The following KALRN variants were observed in gnomAD, a reference collection of about 807,000 sequenced individuals.
KALRN encodes kalirin RhoGEF kinase, also known as kalirin.
Under a neutral mutation model 353.7 loss-of-function variants are expected in KALRN, and 70 were observed. That is an observed-to-expected ratio of 0.20 (90% confidence interval 0.16 to 0.24). The LOEUF (loss-of-function observed/expected upper bound fraction) is 0.24, where lower values mean the gene tolerates loss of function less well. Among genes scored for constraint, KALRN ranks in the 10% least tolerant of loss-of-function variants. The pLI, the probability that KALRN is intolerant of heterozygous loss-of-function variation, is 1.00. For missense variants in KALRN, 2,791 were observed against 3,756.7 expected (o/e 0.74, Z 6.72); for synonymous variants, 1,391 against 1,434.8 (o/e 0.97, Z 0.69).
At chr3:124,680,406 C>A (rs935750243) in intron 51 of KALRN, among the ~76,000 whole-genome samples, 1 of 152,226 alleles carries the variant, frequency 6.6e-6, no homozygotes, top group African/African-American at 2.4e-5. Context: ...ACAATGAGGG[C>A]AAACATGGAG....
intron 15 of KALRN, among the ~76,000 whole-genome samples, chr3:124,430,071 C>T (rs1047698195): frequency 2.0e-5 from 3 of 152,016 alleles, no homozygotes; most frequent in Non-Finnish European, 2.9e-5. Context: ...TAAAATACAG[C>T]TAATATATTG....
chr3:124,388,948 T>C (rs772111747), intron 11 of KALRN, among the ~76,000 whole-genome samples: 1 of 152,220 alleles, frequency 6.6e-6, no homozygotes, highest in Admixed American at 6.5e-5. Flanking sequence ...GGCAAAGTTC[T>C]GGCTTTTTAT....
At chr3:124,655,520 G>A in intron 38 of KALRN, 81 bp from the exon 39 acceptor site, 1 of 1,128,988 alleles carries the variant, frequency 8.9e-7, no homozygotes, top group East Asian at 2.3e-5. Context: ...AGGTGCCAAA[G>A]TAACTTTTCT....
chr3:124,554,813 T>A (rs749584763), intron 33 of KALRN, among the ~76,000 whole-genome samples: 1 of 152,204 alleles, frequency 6.6e-6, no homozygotes, highest in Non-Finnish European at 1.5e-5. Flanking sequence ...TGTGAAGTGA[T>A]CTGGCAGGAC....
intron 34 of KALRN, among the ~76,000 whole-genome samples, chr3:124,580,947 AAATAATAATAAT>A (rs145377277): frequency 6.8e-6 from 1 of 147,530 alleles, no homozygotes; most frequent in Non-Finnish European, 1.5e-5. Context: ...GTCTCTATTA[AAATAATAATAAT>A]AATAATAATA....
At chr3:124,679,618 A>T (rs758132795) in intron 51 of KALRN, 101 bp downstream of exon 51, 12 of 1,011,970 alleles carry the variant, frequency 1.2e-5, no homozygotes, top group Non-Finnish European at 1.9e-5. Context: ...TCAAAGATAA[A>T]TTGTGATGTT....
rs145926041 is a variant in KALRN, at chr3:124,465,816, G to A, written c.4031+3183G>A. Among the ~76,000 whole-genome samples, 11 of 152,296 alleles carry A rather than the reference G, an allele frequency of 7.2e-5. No individual in the cohort carries two copies. The East Asian group carries it at 1.7e-3, about 24-fold the overall frequency. Reference sequence around the variant, plus strand: ...TGTAATCCAGAGAGAGCCTATGGGAGGGAGAGCAGGAGGAAGGAATATTGG... The same window carrying A: ...TGTAATCCAGAGAGAGCCTATGGGAAGGAGAGCAGGAGGAAGGAATATTGG... On this transcript the variant is annotated intron_variant, in intron 25 of 59. Transcript: ENST00000682506.
intron 33 of KALRN, among the ~76,000 whole-genome samples, chr3:124,500,900 A>G (rs1263649463): frequency 6.6e-6 from 1 of 152,210 alleles, no homozygotes; most frequent in Non-Finnish European, 1.5e-5. Flanking sequence ...AGAAATCTAC[A>G]ATTATAGAAT....
intron 1 of KALRN, among the ~76,000 whole-genome samples, chr3:124,170,458 A>C (rs2071585558): frequency 6.6e-6 from 1 of 152,202 alleles, no homozygotes; most frequent in South Asian, 2.1e-4. Flanking sequence ...CTGGTGAATA[A>C]GTGGCAGTAT....
chr3:124,702,096 T>A lies in KALRN; in HGVS notation c.8055T>A (p.Thr2685=). The A allele has an allele frequency of 1.2e-6, 2 of 1,612,770 alleles. No individual in the cohort carries two copies. Among genetic ancestry groups the A allele is most frequent in the Non-Finnish European group, 1.7e-6 (2 of 1,179,050 alleles). The change falls in exon 57 of 60, where the codon ACT becomes ACA. Residue 2685 remains threonine, a synonymous_variant. Coordinates refer to ENST00000682506, the MANE Select transcript of KALRN (RefSeq NM_001388419.1). ...AGGAAAATTTTGACTCAGCTTACAC[T>A]GAGCTGAATGAAATTGGAAGGTAAT... ...SWKENFDSAY[T]ELNEIGRGRF... is the part of the protein sequence containing the mutation.
At chr3:124,089,746 G>A (rs2061009259) in intron 1 of KALRN, among the ~76,000 whole-genome samples, 1 of 151,952 alleles carries the variant, frequency 6.6e-6, no homozygotes, top group Admixed American at 6.5e-5. Context: ...GGCAGTGAGG[G>A]AGGATGGAAG....
At chr3:124,236,994 A>T (rs2079856693) in intron 3 of KALRN, among the ~76,000 whole-genome samples, 1 of 152,210 alleles carries the variant, frequency 6.6e-6, no homozygotes, top group Non-Finnish European at 1.5e-5. Flanking sequence ...TGAAGAGTGT[A>T]AGTGCCTGGC....
chr3:124,622,768 C>A (rs1050139249), intron 34 of KALRN, among the ~76,000 whole-genome samples: 2 of 152,104 alleles, frequency 1.3e-5, no homozygotes, highest in African/African-American at 4.8e-5. Context: ...AAGGCTAAGT[C>A]AGTATTTTGT....
chr3:124,437,470 A>C (rs1202981366), intron 17 of KALRN, among the ~76,000 whole-genome samples: 1 of 152,212 alleles, frequency 6.6e-6, no homozygotes, highest in Non-Finnish European at 1.5e-5. Flanking sequence ...CAGGTGGATC[A>C]CTTGAGGTCA....
intron 1 of KALRN, among the ~76,000 whole-genome samples, chr3:124,127,025 G>A (rs1369021645): frequency 6.6e-6 from 1 of 152,162 alleles, no homozygotes; most frequent in Non-Finnish European, 1.5e-5. Context: ...ATAAAATAAT[G>A]ACCCCTGGTT....
At chr3:124,134,128 C>A (rs551054119) in intron 1 of KALRN, among the ~76,000 whole-genome samples, 2 of 152,266 alleles carry the variant, frequency 1.3e-5, no homozygotes, top group African/African-American at 4.8e-5. Context: ...TGATTTCAAA[C>A]TATACTATAA....
intron 1 of KALRN, among the ~76,000 whole-genome samples, chr3:124,130,135 C>A (rs2065117852): frequency 6.6e-6 from 1 of 152,118 alleles, no homozygotes; most frequent in Non-Finnish European, 1.5e-5. Context: ...AACTTATTGA[C>A]CTATGGTAGT....
At position 124,667,090 on chromosome 3, in the gene KALRN, A is replaced by G. The variant is rs1161360237; in HGVS notation, c.6610A>G (p.Arg2204Gly). The G allele has an allele frequency of 2.5e-6, 4 of 1,614,210 alleles. No individual in the cohort carries two copies. In the East Asian group the frequency reaches 6.7e-5, roughly 27 times the overall value. Residue 2204 changes from arginine to glycine, a missense_variant, in exon 47 of 60, where the codon AGG becomes GGG. This residue lies in a region of KALRN where 1,065 missense variants were observed against 1,156.4 expected (regional missense o/e 0.92). Coordinates refer to ENST00000682506, the MANE Select transcript of KALRN (RefSeq NM_001388419.1). ...ACTCATGAACAGAGAGACTTCTGAG[A>G]GGGTTGTTCTGCAAGCCGCCAACGC... is the stretch of plus-strand genomic sequence containing the variant. ...FALMNRETSE[R>G]VVLQAANADI...
intron 8 of KALRN, among the ~76,000 whole-genome samples, chr3:124,332,862 C>G (rs2080736666): frequency 6.6e-6 from 1 of 151,842 alleles, no homozygotes; most frequent in African/African-American, 2.4e-5. Flanking sequence ...AAGAAAATGA[C>G]AAGGAAATAA....
Sources: allele counts gnomAD v4.1 joint callset (sites outside exome capture counted in the v4.1 genomes callset), GRCh38; gene constraint gnomAD v4.1.1; regional missense constraint gnomAD v4.1.1; transcripts MANE v1.5; gene names NCBI Gene and HGNC (gene_info 2026-07-23, HGNC 2026-07-21).